SYNPO2: variants seen among roughly 807,000 people sequenced by gnomAD.
SYNPO2 encodes the protein synaptopodin-2.
Under a neutral mutation model 85.0 loss-of-function variants are expected in SYNPO2, and 56 were observed. The observed-to-expected ratio is 0.66, with a 90% CI of 0.53 to 0.82. The LOEUF (loss-of-function observed/expected upper bound fraction) is 0.82. SYNPO2 is among the 40% of genes least tolerant of loss of function. SYNPO2 has a pLI of 0.00. For missense variants in SYNPO2, 1,575 were observed against 1,534.2 expected (o/e 1.03, Z -0.44); for synonymous variants, 602 against 591.1 (o/e 1.02, Z -0.27).
chr4:119,039,976 T>C (rs1444530411), intron 4 of SYNPO2, among the ~76,000 whole-genome samples: 1 of 152,208 alleles, frequency 6.6e-6, no homozygotes, highest in African/African-American at 2.4e-5. Context: ...GTCCCAGGCC[T>C]GCCTCCTGCT....
intron 1 of SYNPO2, among the ~76,000 whole-genome samples, chr4:118,970,242 G>A (rs796591768): frequency 6.6e-6 from 1 of 152,148 alleles, no homozygotes; most frequent in African/African-American, 2.4e-5. Flanking sequence ...ACATAAGCAT[G>A]TAGATGAATA....
intron 1 of SYNPO2, among the ~76,000 whole-genome samples, chr4:118,978,570 A>T (rs928505384): frequency 4.7e-4 from 72 of 152,304 alleles, no homozygotes; most frequent in African/African-American, 1.7e-3. Context: ...TTTACTATAT[A>T]TATGTGTATT....
chr4:118,872,979 T>C (rs1403958420), intron 1 of SYNPO2, among the ~76,000 whole-genome samples: 1 of 152,224 alleles, frequency 6.6e-6, no homozygotes, highest in East Asian at 1.9e-4. Context: ...GTTCCATCGA[T>C]GTTGCTGTAA....
At chr4:118,987,629 A>G (rs1214316878) in intron 1 of SYNPO2, among the ~76,000 whole-genome samples, 2 of 150,686 alleles carry the variant, frequency 1.3e-5, no homozygotes, top group East Asian at 3.9e-4. Context: ...ATACCTCTGC[A>G]CTGCAGCCCA....
intron 1 of SYNPO2, among the ~76,000 whole-genome samples, chr4:118,907,147 T>C (rs1325745055): frequency 6.6e-6 from 1 of 152,132 alleles, no homozygotes; most frequent in African/African-American, 2.4e-5. Context: ...TATTTTCTTT[T>C]CCTTATAACT....
At chr4:118,960,904 CT>C (rs1277804837) in intron 1 of SYNPO2, among the ~76,000 whole-genome samples, 2 of 152,144 alleles carry the variant, frequency 1.3e-5, no homozygotes, top group African/African-American at 4.8e-5. Flanking sequence ...TCTGATTGGG[CT>C]GTTATAGTCG....
intron 1 of SYNPO2, among the ~76,000 whole-genome samples, chr4:118,977,004 C>G (rs547882533): frequency 7.9e-5 from 12 of 152,222 alleles, no homozygotes; most frequent in Non-Finnish European, 1.5e-4. Context: ...GATCCCGCAC[C>G]GGGGCTGCAG....
chr4:118,867,943 A>G (rs960589684), intron 1 of SYNPO2, among the ~76,000 whole-genome samples: 5 of 151,714 alleles, frequency 3.3e-5, no homozygotes, highest in Admixed American at 2.0e-4. Context: ...TGGACTGAAC[A>G]TTTCCCTACA....
chr4:119,055,833 A>T (rs913024433), intron 4 of SYNPO2, among the ~76,000 whole-genome samples: 1 of 152,132 alleles, frequency 6.6e-6, no homozygotes, highest in Non-Finnish European at 1.5e-5. Context: ...AAGATTTATT[A>T]TATTGGACCC....
Position 119,035,677 on chromosome 4 carries a change from A to C in SYNPO2, c.3252+3650A>C, listed in dbSNP as rs1738478139. The C allele has an allele frequency of 4.1e-6, 4 of 985,296 alleles. No individual in the cohort carries two copies. The South Asian group carries it at 1.4e-4, about 35-fold the overall frequency. 61.0% of individuals were successfully genotyped at this position (985,296 alleles called of 1,614,324 possible). ...ATAGGAAAACCAATCTGAGCTACAA[A>C]TAGTTCTTTAAAATAAGCCCAGGTT... is the stretch of plus-strand genomic sequence containing the variant. On this transcript the variant is annotated intron_variant, in intron 4 of 4. Coordinates refer to ENST00000307142, the MANE Select transcript of SYNPO2 (RefSeq NM_133477.3).
At chr4:119,004,911 T>C (rs1307600753) in intron 1 of SYNPO2, among the ~76,000 whole-genome samples, 2 of 151,968 alleles carry the variant, frequency 1.3e-5, no homozygotes, top group African/African-American at 4.8e-5. Flanking sequence ...TTTTTAATGA[T>C]CACCATTCTA....
Position 118,876,236 on chromosome 4 carries a change from C to T in SYNPO2, c.12+25296C>T, listed in dbSNP as rs75129855. Among the ~76,000 whole-genome samples the T allele has an allele frequency of 1.8e-3, 273 of 152,246 alleles. 7 individuals carry two copies. The East Asian group carries it at 0.045, about 25-fold the overall frequency. On this transcript the variant is annotated intron_variant, in intron 1 of 4. Transcript: ENST00000610556. ...TCCACCACACTTCAATTGCACTAGT[C>T]TTCATCTGTTCTTCATGTTGACAAA...
intron 1 of SYNPO2, among the ~76,000 whole-genome samples, chr4:119,007,404 AAAAC>A (rs1274839135): frequency 5.4e-5 from 8 of 148,610 alleles, no homozygotes; most frequent in Admixed American, 1.3e-4. Flanking sequence ...ACAAAAACAA[AAAAC>A]AAACAAAAAA....
intron 4 of SYNPO2, among the ~76,000 whole-genome samples, chr4:119,054,554 T>C (rs1739151269): frequency 6.6e-6 from 1 of 152,164 alleles, no homozygotes; most frequent in Non-Finnish European, 1.5e-5. Context: ...ATCTCTTCTG[T>C]AGTCTGTCCA....
chr4:118,934,083 C>T (rs1301057212), intron 1 of SYNPO2, among the ~76,000 whole-genome samples: 2 of 151,848 alleles, frequency 1.3e-5, no homozygotes, highest in Non-Finnish European at 2.9e-5. Flanking sequence ...CTGTGTAGAC[C>T]CTTGTATGCA....
intron 1 of SYNPO2, among the ~76,000 whole-genome samples, chr4:118,913,929 C>T (rs1733225028): frequency 6.6e-6 from 1 of 152,096 alleles, no homozygotes. Context: ...GGGTAGATGA[C>T]TGATGGCAAT....
intron 4 of SYNPO2, among the ~76,000 whole-genome samples, chr4:119,054,994 T>C (rs1326297685): frequency 3.9e-5 from 6 of 152,158 alleles, no homozygotes; most frequent in Non-Finnish European, 8.8e-5. Flanking sequence ...AAAAGTGATA[T>C]ACAGACACAC....
At chr4:118,944,795 A>G (rs1701585210) in intron 1 of SYNPO2, among the ~76,000 whole-genome samples, 1 of 152,214 alleles carries the variant, frequency 6.6e-6, no homozygotes, top group South Asian at 2.1e-4. Context: ...GTATCTAACA[A>G]TTTTATAGAA....
At chr4:118,971,376 C>T (rs571696761) in intron 1 of SYNPO2, among the ~76,000 whole-genome samples, 1 of 152,212 alleles carries the variant, frequency 6.6e-6, no homozygotes, top group Admixed American at 6.5e-5. Flanking sequence ...CTCAAAGGTC[C>T]CAAATGTTGA....
Sources: allele counts gnomAD v4.1 joint callset (sites outside exome capture counted in the v4.1 genomes callset), GRCh38; gene constraint gnomAD v4.1.1; transcripts MANE v1.5; gene names NCBI Gene and HGNC (gene_info 2026-07-23, HGNC 2026-07-21).